Variants in SIGLECL1 observed in about 807,000 individuals in gnomAD.
The protein encoded by SIGLECL1 is SIGLEC family like 1.
A neutral mutation model predicts 19.1 loss-of-function variants in SIGLECL1; 16 were observed. The ratio of observed to expected loss-of-function variants is 0.84; its 90% CI spans 0.57 to 1.27. SIGLECL1 has a LOEUF of 1.27. SIGLECL1 is among the 50% of genes most tolerant of loss of function. SIGLECL1 has a pLI of 0.00. For missense variants in SIGLECL1, 210 were observed against 239.4 expected (o/e 0.88, Z 0.81); for synonymous variants, 89 against 90.4 (o/e 0.98, Z 0.09).
upstream of SIGLECL1, chr19:51,246,339 G>C (rs1477975915): frequency 6.6e-6 from 1 of 152,234 alleles, no homozygotes; most frequent in Non-Finnish European, 1.5e-5. Context: ...ACTCACGAGA[G>C]TGAAAACCAA....
chr19:51,256,799 C>T (rs544089437), intron 1 of SIGLECL1, among the ~76,000 whole-genome samples: 1 of 152,064 alleles, frequency 6.6e-6, no homozygotes, highest in Non-Finnish European at 1.5e-5. Flanking sequence ...TTTTATTTGT[C>T]AGTTATACCT....
At chr19:51,261,793 G>A (rs149252020) in intron 1 of SIGLECL1, among the ~76,000 whole-genome samples, 73 of 152,212 alleles carry the variant, frequency 4.8e-4, no homozygotes, top group African/African-American at 9.2e-4. Flanking sequence ...TGTCCCAACC[G>A]TTCTATTCTC....
chr19:51,265,308 G>C, intron 2 of SIGLECL1, 60 bp from the exon 3 acceptor site: 1 of 1,530,212 alleles, frequency 6.5e-7, no homozygotes, highest in Non-Finnish European at 8.8e-7. Context: ...CTGCATGCTG[G>C]AGAAACTGGA....
chr19:51,248,385 C>CT (rs1479750094), upstream of SIGLECL1, among the ~76,000 whole-genome samples: 2 of 152,164 alleles, frequency 1.3e-5, no homozygotes, highest in Non-Finnish European at 2.9e-5. Flanking sequence ...ACCAGATGGT[C>CT]TTTTTTTCCG....
In SIGLECL1 at chr19:51,264,106, G is replaced by C. The variant is rs1377131508; in HGVS notation, c.22+12G>C. ...ACTGCTACAGCTGGGTAAGTAAGGT[G>C]AGAAGCAGCACTGGAGGTGTGTTTG... On this transcript the variant is annotated intron_variant, in intron 2 of 5. Transcript: ENST00000601727. The C allele has an allele frequency of 3.1e-6, 5 of 1,613,896 alleles. No homozygotes were observed. The highest frequency in any genetic ancestry group is 4.2e-6 in the Non-Finnish European group (5 of 1,179,964).
intron 1 of SIGLECL1, among the ~76,000 whole-genome samples, chr19:51,258,464 A>G (rs771975407): frequency 3.3e-5 from 5 of 152,238 alleles, no homozygotes; most frequent in South Asian, 2.1e-4. Context: ...TGCTTTTTCA[A>G]TACAATGGAT....
chr19:51,265,283 C>T, intron 2 of SIGLECL1, 85 bp from the exon 3 acceptor site: 1 of 1,439,508 alleles, frequency 6.9e-7, no homozygotes, highest in East Asian at 2.3e-5. Flanking sequence ...TTGTGAATAG[C>T]AAGTAAAGAG....
chr19:51,254,802 A>G (rs1982704844), intron 1 of SIGLECL1, among the ~76,000 whole-genome samples: 1 of 152,170 alleles, frequency 6.6e-6, no homozygotes. Flanking sequence ...ATGGTATATG[A>G]ATTATAGCTC....
chr19:51,264,148 G>C (rs1983457611), intron 2 of SIGLECL1, 54 bp downstream of exon 2: 1 of 1,609,360 alleles, frequency 6.2e-7, no homozygotes, highest in East Asian at 2.2e-5. Flanking sequence ...AAGACTCCAG[G>C]GCCTGGGTGT....
chr19:51,266,054 C>T (rs1034390284), intron 4 of SIGLECL1, among the ~76,000 whole-genome samples, 172 bp downstream of exon 4: 1 of 152,100 alleles, frequency 6.6e-6, no homozygotes, highest in East Asian at 1.9e-4. Flanking sequence ...GAGGACTATA[C>T]AGAACCGTAA....
intron 1 of SIGLECL1, among the ~76,000 whole-genome samples, chr19:51,261,534 C>T (rs542250001): frequency 3.9e-5 from 6 of 152,244 alleles, no homozygotes; most frequent in East Asian, 1.9e-4. Context: ...GTGATCCGCC[C>T]GTCTCGGCCT....
upstream of SIGLECL1, among the ~76,000 whole-genome samples, chr19:51,247,879 T>C (rs923141671): frequency 6.6e-6 from 1 of 152,176 alleles, no homozygotes; most frequent in African/African-American, 2.4e-5. Context: ...TGTTAAGAAT[T>C]CCTTTGTTAT....
intron 1 of SIGLECL1, among the ~76,000 whole-genome samples, chr19:51,255,679 A>G (rs1341875633): frequency 6.6e-6 from 1 of 152,204 alleles, no homozygotes; most frequent in African/African-American, 2.4e-5. Flanking sequence ...GCCAACAAGT[A>G]TATAAAAAAA....
At chr19:51,259,840 T>G (rs977967737) in intron 1 of SIGLECL1, among the ~76,000 whole-genome samples, 1 of 152,206 alleles carries the variant, frequency 6.6e-6, no homozygotes, top group African/African-American at 2.4e-5. Flanking sequence ...AGCTGCGAGA[T>G]CCTATTATTA....
chr19:51,261,332 A>G (rs1299180525), intron 1 of SIGLECL1, among the ~76,000 whole-genome samples: 3 of 152,036 alleles, frequency 2.0e-5, no homozygotes, highest in Non-Finnish European at 4.4e-5. Context: ...TCTGTCGCCC[A>G]GGCTGGAGTG....
At chr19:51,259,105 A>AT (rs1292457368) in intron 1 of SIGLECL1, among the ~76,000 whole-genome samples, 4 of 147,364 alleles carry the variant, frequency 2.7e-5, no homozygotes, top group Admixed American at 6.9e-5. Context: ...TGGATAAGAG[A>AT]TATTTCTGGG....
In SIGLECL1 at chr19:51,269,275, C is replaced by T. The variant is rs1413481921; in HGVS notation, c.*678C>T. 6.6e-6 allele frequency: 1 copy of T among 152,176 alleles called. No individual in the cohort carries two copies. The highest frequency in any genetic ancestry group is 2.4e-5 in the African/African-American group (1 of 41,434). The allele number at this position is 152,176 out of a possible 1,614,324, so 9.4% of individuals were successfully genotyped here. On this transcript the variant is annotated 3_prime_UTR_variant, in exon 6 of 6. Coordinates refer to ENST00000601727, the MANE Select transcript of SIGLECL1 (RefSeq NM_001385465.1). ...ACAGGGACTTTGTCTGCCTTGTTTT[C>T]TACTTTTATCACCAGCACCCAGAAT... is the stretch of plus-strand genomic sequence containing the variant.
chr19:51,264,090 G>A lies in SIGLECL1; in HGVS notation c.18G>A (p.Gln6=). 2.5e-6 allele frequency: 4 copies of A among 1,614,054 alleles called. No individual in the cohort carries two copies. In the African/African-American group the frequency reaches 5.3e-5, roughly 22 times the overall value. ...TGGAAGTGATGCTTCCACTGCTACA[G>A]CTGGGTAAGTAAGGTGAGAAGCAGC... MLPLL[Q]LVPAKLLNSS... Residue 6 remains glutamine (Q), a synonymous_variant, in exon 2 of 6, where the codon CAG becomes CAA. Transcript: ENST00000601727.
At chr19:51,266,728 G>C (rs571213491) in intron 4 of SIGLECL1, among the ~76,000 whole-genome samples, 1 of 152,310 alleles carries the variant, frequency 6.6e-6, no homozygotes, top group African/African-American at 2.4e-5. Flanking sequence ...TTAAAACTTA[G>C]CTGCATGTAT....
Sources: allele counts gnomAD v4.1 joint callset (sites outside exome capture counted in the v4.1 genomes callset), GRCh38; gene constraint gnomAD v4.1.1; transcripts MANE v1.5; gene names NCBI Gene and HGNC (gene_info 2026-07-23, HGNC 2026-07-21).